The following LSAMP variants were observed in gnomAD, a reference collection of about 807,000 sequenced individuals.
LSAMP encodes limbic system-associated membrane protein.
Under a neutral mutation model 38.6 loss-of-function variants are expected in LSAMP, and 7 were observed. That is an observed-to-expected ratio of 0.18 (90% CI 0.10 to 0.34). The LOEUF is 0.34. Ranked by LOEUF, LSAMP falls within the 10% of genes least tolerant of loss-of-function variation. LSAMP has a pLI of 1.00. For missense variants in LSAMP, 313 were observed against 420.0 expected (o/e 0.75, Z 2.23); for synonymous variants, 154 against 166.8 (o/e 0.92, Z 0.59).
chr3:116,245,967 G>T (rs551079118), intron 1 of LSAMP, among the ~76,000 whole-genome samples: 3 of 152,140 alleles, frequency 2.0e-5, no homozygotes, highest in Non-Finnish European at 4.4e-5. Context: ...CTGCATTATT[G>T]CTTCACTAGT....
intron 1 of LSAMP, among the ~76,000 whole-genome samples, chr3:116,311,362 A>G (rs1399391366): frequency 6.6e-6 from 1 of 152,144 alleles, no homozygotes; most frequent in African/African-American, 2.4e-5. Context: ...TTAATTTACA[A>G]ATTCCTTAGT....
intron 3 of LSAMP, among the ~76,000 whole-genome samples, chr3:115,875,821 T>A (rs1236965373): frequency 6.6e-6 from 1 of 152,112 alleles, no homozygotes; most frequent in African/African-American, 2.4e-5. Context: ...GAAATAGATA[T>A]ATATTTTGAA....
chr3:116,237,523 G>C (rs1559794664), intron 1 of LSAMP, among the ~76,000 whole-genome samples: 1 of 152,140 alleles, frequency 6.6e-6, no homozygotes, highest in Admixed American at 6.5e-5. Flanking sequence ...AAATACTTAA[G>C]CTTCATGCAT....
intron 1 of LSAMP, among the ~76,000 whole-genome samples, chr3:116,222,120 G>T (rs979683318): frequency 3.3e-5 from 5 of 151,906 alleles, no homozygotes; most frequent in African/African-American, 9.7e-5. Flanking sequence ...TACTGATCCG[G>T]GTTCTAATCC....
chr3:115,897,320 A>G (rs1414444101), intron 3 of LSAMP, among the ~76,000 whole-genome samples: 1 of 152,138 alleles, frequency 6.6e-6, no homozygotes, highest in Non-Finnish European at 1.5e-5. Flanking sequence ...AATTCCATCA[A>G]GAAATCTTAT....
At chr3:116,217,659 C>G (rs1307757542) in intron 1 of LSAMP, among the ~76,000 whole-genome samples, 1 of 152,170 alleles carries the variant, frequency 6.6e-6, no homozygotes, top group African/African-American at 2.4e-5. Context: ...ACAGTATTTG[C>G]TTATTTATTT....
At chr3:115,915,702 G>T (rs920842210) in intron 3 of LSAMP, among the ~76,000 whole-genome samples, 2 of 151,626 alleles carry the variant, frequency 1.3e-5, no homozygotes, top group Admixed American at 1.3e-4. Context: ...GCGCAATCTC[G>T]GCTCACTGCA....
rs76691864 is a variant in LSAMP at position 115,859,009 on chromosome 3, G to A, written c.515-6392C>T. Reference sequence around the variant, plus strand: ...TGCACATCACGTTCTACACAAAAATGCTAAGGAAAGGAAGAGAGAAAGAAA... The same window carrying A: ...TGCACATCACGTTCTACACAAAAATACTAAGGAAAGGAAGAGAGAAAGAAA... On this transcript the variant is annotated intron_variant, in intron 3 of 6. Coordinates refer to ENST00000490035, the MANE Select transcript of LSAMP (RefSeq NM_002338.5). 7.1e-4 allele frequency among the ~76,000 whole-genome samples: 108 copies of A among 152,284 alleles called. 1 individual carries two copies. The East Asian group carries it at 0.018, about 25-fold the overall frequency.
intron 1 of LSAMP, among the ~76,000 whole-genome samples, chr3:116,189,205 G>C (rs1016407593): frequency 1.3e-5 from 2 of 152,206 alleles, no homozygotes; most frequent in Non-Finnish European, 2.9e-5. Flanking sequence ...TTCAGTGGAA[G>C]CCTGAATGAA....
intron 1 of LSAMP, among the ~76,000 whole-genome samples, chr3:116,391,865 C>T (rs1185722312): frequency 6.6e-6 from 1 of 152,096 alleles, no homozygotes; most frequent in African/African-American, 2.4e-5. Flanking sequence ...GCTTCTCTGC[C>T]TGGGAAGAGG....
At chr3:115,960,937 C>T (rs1459147572) in intron 3 of LSAMP, among the ~76,000 whole-genome samples, 1 of 152,176 alleles carries the variant, frequency 6.6e-6, no homozygotes, top group African/African-American at 2.4e-5. Flanking sequence ...CAACTTCAGT[C>T]AGCTGGTGTG....
intron 1 of LSAMP, among the ~76,000 whole-genome samples, chr3:116,131,558 C>A (rs188195113): frequency 2.0e-5 from 3 of 152,214 alleles, no homozygotes; most frequent in African/African-American, 7.2e-5. Flanking sequence ...CATCTTCTGA[C>A]CATGTATAGA....
intron 1 of LSAMP, among the ~76,000 whole-genome samples, chr3:116,228,936 A>G (rs1016074512): frequency 1.3e-5 from 2 of 152,122 alleles, no homozygotes; most frequent in Admixed American, 6.5e-5. Flanking sequence ...TATCAGTTCT[A>G]TCACATTTCT....
At chr3:116,149,407 C>A (rs1709560933) in intron 1 of LSAMP, among the ~76,000 whole-genome samples, 1 of 151,874 alleles carries the variant, frequency 6.6e-6, no homozygotes, top group African/African-American at 2.4e-5. Flanking sequence ...GGCTTGCTCA[C>A]CAGAAGGATT....
At chr3:116,052,094 G>C (rs933691911) in intron 2 of LSAMP, among the ~76,000 whole-genome samples, 7 of 152,220 alleles carry the variant, frequency 4.6e-5, no homozygotes, top group African/African-American at 1.7e-4. Flanking sequence ...GGGCTGGCCA[G>C]TGATCCAAGT....
intron 1 of LSAMP, among the ~76,000 whole-genome samples, chr3:116,344,578 T>C (rs2048039513): frequency 6.6e-6 from 1 of 152,116 alleles, no homozygotes. Flanking sequence ...CCTCCTTTAA[T>C]TGTCACATCT....
At chr3:115,905,127 T>C (rs1330086156) in intron 3 of LSAMP, among the ~76,000 whole-genome samples, 1 of 152,080 alleles carries the variant, frequency 6.6e-6, no homozygotes, top group Non-Finnish European at 1.5e-5. Flanking sequence ...CATCATCAAG[T>C]AGAATCCTGT....
At chr3:116,391,923 C>T (rs9823016) in intron 1 of LSAMP, among the ~76,000 whole-genome samples, 23,645 of 152,146 alleles carry the variant, frequency 0.16, 2,149 homozygotes, top group African/African-American at 0.25. Context: ...CACCCTCCAT[C>T]AGGGTGACTG....
At chr3:116,125,376 C>T (rs538851636) in intron 1 of LSAMP, among the ~76,000 whole-genome samples, 4 of 149,864 alleles carry the variant, frequency 2.7e-5, no homozygotes, top group African/African-American at 9.8e-5. Context: ...ACCCCCGCCA[C>T]GAGTTTCCTT....
Sources: allele counts gnomAD v4.1 joint callset (sites outside exome capture counted in the v4.1 genomes callset), GRCh38; gene constraint gnomAD v4.1.1; transcripts MANE v1.5; gene names NCBI Gene and HGNC (gene_info 2026-07-23, HGNC 2026-07-21).